Variants in HAPLN2 observed in about 807,000 individuals in gnomAD.
HAPLN2 encodes brain link protein-1.
A neutral mutation model predicts 29.3 loss-of-function variants in HAPLN2; 27 were observed. The observed-to-expected ratio is 0.92, with a 90% confidence interval of 0.68 to 1.27. HAPLN2 has a LOEUF of 1.27. Among genes scored for constraint, HAPLN2 ranks in the 50% most tolerant of loss-of-function variants. The probability of loss-of-function intolerance (pLI) is 0.00; values close to 1 mark genes in which losing one functional copy is unlikely to be tolerated. For missense variants in HAPLN2, 454 were observed against 484.3 expected (o/e 0.94, Z 0.59); for synonymous variants, 208 against 211.7 (o/e 0.98, Z 0.15).
At chr1:156,602,489 C>G in the HAPLN2 span, among the ~76,000 whole-genome samples, 1 of 135,374 alleles carries the variant, frequency 7.4e-6, no homozygotes, top group East Asian at 2.3e-4. Context: ...AGGCAGATAG[C>G]TTGAGCCCAG....
At chr1:156,622,782 A>G (rs1401831602) in intron 2 of HAPLN2, among the ~76,000 whole-genome samples, 1 of 151,932 alleles carries the variant, frequency 6.6e-6, no homozygotes, top group Non-Finnish European at 1.5e-5. Context: ...CAAGCAGGAG[A>G]GTGACAAGGC....
upstream of HAPLN2, among the ~76,000 whole-genome samples, chr1:156,618,048 G>A (rs1354222263): frequency 6.6e-6 from 1 of 152,060 alleles, no homozygotes; most frequent in Non-Finnish European, 1.5e-5. Context: ...TGTAATCCCA[G>A]CATTTGGGGA....
rs930973087 is a variant in HAPLN2, at chr1:156,624,682, C to T, written c.638C>T (p.Ala213Val). 2 of 1,603,598 alleles carry T rather than the reference C, an allele frequency of 1.2e-6. No individual in the cohort carries two copies. Among genetic ancestry groups the T allele is most frequent in the Non-Finnish European group, 1.7e-6 (2 of 1,176,758 alleles). The change falls in exon 6 of 7, where the codon GCC (alanine) becomes GTC (valine). Residue 213 changes from alanine (A) to valine (V), a missense_variant. Physicochemically the swap from Ala to Val is moderately conservative, Grantham distance 64. Around this residue, in one of 3 missense-constraint regions of HAPLN2, gnomAD observed 235 missense variants for 236.9 expected, o/e 0.99. Coordinates refer to ENST00000255039, the MANE Select transcript of HAPLN2 (RefSeq NM_021817.3). ...CGCTACCCTGTGCTCACCGCACGCG[C>T]CCCGTGCGGCGGCCGAGGCCGGCCC... The part of the protein sequence containing the change: ...SVRYPVLTAR[A>V]PCGGRGRPGI...
At chr1:156,624,980 T>A (rs1311221422) in intron 6 of HAPLN2, 121 bp from the exon 7 acceptor site, 1 of 1,023,350 alleles carries the variant, frequency 9.8e-7, no homozygotes, top group Non-Finnish European at 1.2e-6. Context: ...ATCCCCCAAC[T>A]CCTCTTACCC....
At chr1:156,605,008 G>A in the HAPLN2 span, among the ~76,000 whole-genome samples, 1 of 151,518 alleles carries the variant, frequency 6.6e-6, no homozygotes, top group Admixed American at 6.6e-5. Context: ...GCTCACACCT[G>A]TAATCCCAGC....
At chr1:156,621,635 A>G (rs1352161580) in intron 2 of HAPLN2, among the ~76,000 whole-genome samples, 1 of 151,524 alleles carries the variant, frequency 6.6e-6, no homozygotes, top group African/African-American at 2.4e-5. Context: ...TACTCAGGAG[A>G]ATCGCTTGAA....
the HAPLN2 span, among the ~76,000 whole-genome samples, chr1:156,603,321 A>C: frequency 6.6e-6 from 1 of 151,422 alleles, no homozygotes; most frequent in Non-Finnish European, 1.5e-5. Flanking sequence ...AGCTGGGAGT[A>C]CGGGTGCATG....
At chr1:156,613,480 A>G in the HAPLN2 span, among the ~76,000 whole-genome samples, 15 of 152,350 alleles carry the variant, frequency 9.8e-5, no homozygotes, top group African/African-American at 2.6e-4. Context: ...CTATCATTGT[A>G]TCAAGTTCTG....
chr1:156,619,758 T>A (rs986169408), intron 1 of HAPLN2, among the ~76,000 whole-genome samples: 4 of 152,164 alleles, frequency 2.6e-5, no homozygotes, highest in Non-Finnish European at 5.9e-5. Context: ...TCTGCACTCT[T>A]CCAGGTCATC....
At position 156,624,115 on chromosome 1, in the gene HAPLN2, A is replaced by G. The variant is rs1678355603; in HGVS notation, c.394A>G (p.Asn132Asp). The G allele has an allele frequency of 6.2e-7, 1 of 1,613,416 alleles. No homozygotes were observed. Among genetic ancestry groups the G allele is most frequent in the South Asian group, 1.1e-5 (1 of 91,070 alleles). Residue 132 changes from asparagine to aspartate, a missense_variant, in exon 4 of 7, where the codon AAC becomes GAC. Physicochemically the swap from Asn to Asp is conservative, Grantham distance 23. Around this residue, in one of 3 missense-constraint regions of HAPLN2, gnomAD observed 204 missense variants for 209.2 expected, o/e 0.98. Transcript: ENST00000255039. Reference protein sequence around the residue: ...DEGRYRCELINGIEDESVALT... With the variant: ...DEGRYRCELIDGIEDESVALT... ...GGGCCGGTACCGCTGCGAGCTCATCAACGGCATCGAGGACGAGAGCGTGGC... is the reference window on the plus strand; with the variant it reads ...GGGCCGGTACCGCTGCGAGCTCATCGACGGCATCGAGGACGAGAGCGTGGC...
chr1:156,603,762 C>T, the HAPLN2 span, among the ~76,000 whole-genome samples: 3 of 152,118 alleles, frequency 2.0e-5, no homozygotes, highest in Admixed American at 6.6e-5. Context: ...TAAAGGTCTC[C>T]TATATACTAA....
chr1:156,625,147 C>T lies in HAPLN2; in HGVS notation c.786C>T (p.His262=). Residue 262 remains histidine, a synonymous_variant, in exon 7 of 7, where the codon CAC becomes CAT. Coordinates refer to ENST00000255039, the MANE Select transcript of HAPLN2 (RefSeq NM_021817.3). This position sits in a 1 kb window ranked among gnomAD's most constrained non-coding sequence, Gnocchi z 5.7. ...VPGRLTLSEA[H]AACRRRGAVV... Reference sequence around the variant, plus strand: ...GGCGGCTGACGCTGTCTGAAGCCCACGCGGCGTGCCGGCGACGCGGCGCCG... The same window carrying T: ...GGCGGCTGACGCTGTCTGAAGCCCATGCGGCGTGCCGGCGACGCGGCGCCG... The T allele has an allele frequency of 1.9e-6, 3 of 1,542,672 alleles. No homozygotes were observed. The highest frequency in any genetic ancestry group is 2.6e-6 in the Non-Finnish European group (3 of 1,146,614).
upstream of HAPLN2, among the ~76,000 whole-genome samples, chr1:156,618,778 CAAAAAAAAAA>C (rs67222173): frequency 8.4e-4 from 35 of 41,656 alleles, no homozygotes; most frequent in Admixed American, 3.6e-3. Context: ...GACTCCGTCT[CAAAAAAAAAA>C]AAAAAAAAAA....
the HAPLN2 span, among the ~76,000 whole-genome samples, chr1:156,611,189 G>A: frequency 2.0e-5 from 3 of 151,760 alleles, no homozygotes. Flanking sequence ...AGGCTAAGGC[G>A]GGAGGATCAG....
At chr1:156,610,464 C>A in the HAPLN2 span, among the ~76,000 whole-genome samples, 1 of 151,906 alleles carries the variant, frequency 6.6e-6, no homozygotes, top group Non-Finnish European at 1.5e-5. Context: ...ATGGAGAAAC[C>A]CCGTGTCTAC....
the HAPLN2 span, among the ~76,000 whole-genome samples, chr1:156,606,263 C>CA: frequency 1.4e-4 from 20 of 147,860 alleles, no homozygotes; most frequent in South Asian, 6.5e-4. Flanking sequence ...AACTCCATCT[C>CA]AAAAAAAAAA....
intron 6 of HAPLN2, 88 bp downstream of exon 6, chr1:156,624,871 G>A: frequency 7.2e-7 from 1 of 1,380,090 alleles, no homozygotes; most frequent in Non-Finnish European, 9.5e-7. Flanking sequence ...GATCAGGGCA[G>A]GGTCTCCGGG....
intron 2 of HAPLN2, among the ~76,000 whole-genome samples, chr1:156,621,604 G>T (rs1678227735): frequency 6.6e-6 from 1 of 151,940 alleles, no homozygotes; most frequent in Non-Finnish European, 1.5e-5. Context: ...CGGAGTGGTG[G>T]TGGGTGCCTG....
chr1:156,612,407 G>A, the HAPLN2 span, among the ~76,000 whole-genome samples: 1 of 152,206 alleles, frequency 6.6e-6, no homozygotes, highest in East Asian at 1.9e-4. Flanking sequence ...TTTTTGGAGG[G>A]AGGAGTGGTC....
Sources: gnomAD v4.1 joint callset for allele counts (sites outside exome capture counted in the v4.1 genomes callset) on GRCh38, gnomAD v4.1.1 for gene constraint, gnomAD v4.1.1 regional missense constraint, Gnocchi (gnomAD v3.1) non-coding constraint, MANE v1.5 for transcripts, NCBI Gene and HGNC (gene_info 2026-07-23, HGNC 2026-07-21) for gene names.